The following APLF variants were observed in gnomAD, a reference collection of about 807,000 sequenced individuals.
APLF encodes the protein aprataxin and PNKP like factor, also known as aprataxin and PNK-like factor.
A neutral mutation model predicts 55.6 loss-of-function variants in APLF; 61 were observed. The ratio of observed to expected loss-of-function variants is 1.10; its 90% CI spans 0.89 to 1.36. The LOEUF is 1.36. Ranked by LOEUF, APLF falls within the 40% of genes most tolerant of loss-of-function variation. The pLI, the probability that APLF is intolerant of heterozygous loss-of-function variation, is 0.00. For missense variants in APLF, 611 were observed against 602.5 expected, an observed-to-expected ratio of 1.01 and a Z score of -0.15; for synonymous variants, 207 against 214.8, an observed-to-expected ratio of 0.96 and a Z score of 0.32.
chr2:68,476,510 C>T (rs1675781022), intron 1 of APLF, among the ~76,000 whole-genome samples: 1 of 150,042 alleles, frequency 6.7e-6, no homozygotes, highest in Non-Finnish European at 1.5e-5. Flanking sequence ...GGAATTTCAC[C>T]AAAATCAAGT....
intron 5 of APLF, among the ~76,000 whole-genome samples, chr2:68,521,676 T>C (rs924393363): frequency 6.6e-6 from 1 of 151,932 alleles, no homozygotes; most frequent in Non-Finnish European, 1.5e-5. Flanking sequence ...AAGGAGCTTT[T>C]ATATTTCCAC....
rs1036577149 is a variant in APLF at position 68,578,617 on chromosome 2, A to G, written c.*595A>G. 1 of 985,268 alleles carries G rather than the reference A, an allele frequency of 1.0e-6. No individual in the cohort carries two copies. The highest frequency in any genetic ancestry group is 6.2e-5 in the Admixed American group (1 of 16,250). The allele number at this position is 985,268 out of a possible 1,614,324, so 61.0% of individuals were successfully genotyped here. A position where few individuals can be genotyped will look rare whatever the true frequency, so the allele number is the denominator to read the frequency against. On this transcript the variant is annotated 3_prime_UTR_variant, in exon 10 of 10. Coordinates refer to ENST00000303795, the MANE Select transcript of APLF (RefSeq NM_173545.3). The stretch of plus-strand genomic sequence containing the variant: ...GATTCAACTAGGCTGTAGAAGAGAA[A>G]TGTTCACCATGTAGGGAATGTTATT...
intron 5 of APLF, among the ~76,000 whole-genome samples, chr2:68,516,246 T>G (rs935500909): frequency 1.3e-5 from 2 of 151,694 alleles, no homozygotes; most frequent in African/African-American, 4.8e-5. Flanking sequence ...CATATCACTG[T>G]ATAGCTGCCT....
At chr2:68,548,941 T>C (rs1394012586) in intron 8 of APLF, among the ~76,000 whole-genome samples, 1 of 152,018 alleles carries the variant, frequency 6.6e-6, no homozygotes, top group Non-Finnish European at 1.5e-5. Flanking sequence ...CCATATCTTT[T>C]CATCCCATTT....
intron 5 of APLF, among the ~76,000 whole-genome samples, chr2:68,524,553 A>G (rs1669979087): frequency 6.6e-6 from 1 of 152,228 alleles, no homozygotes; most frequent in African/African-American, 2.4e-5. Flanking sequence ...AGTGACAGAC[A>G]CTGTATGGCC....
At chr2:68,475,740 A>T (rs1675751361) in intron 1 of APLF, among the ~76,000 whole-genome samples, 1 of 152,158 alleles carries the variant, frequency 6.6e-6, no homozygotes. Context: ...CCTCTTATCA[A>T]ATATTATGGC....
chr2:68,532,965 C>T (rs1035376630), intron 6 of APLF, among the ~76,000 whole-genome samples: 1 of 152,166 alleles, frequency 6.6e-6, no homozygotes, highest in Non-Finnish European at 1.5e-5. Flanking sequence ...GTGACATGCA[C>T]CTGTAGTCCC....
intron 5 of APLF, among the ~76,000 whole-genome samples, chr2:68,521,322 T>A (rs1395485449): frequency 6.6e-6 from 1 of 151,904 alleles, no homozygotes; most frequent in Non-Finnish European, 1.5e-5. Context: ...ACTCATTGAC[T>A]CTTTACTGAT....
intron 5 of APLF, among the ~76,000 whole-genome samples, chr2:68,522,642 G>T (rs751290723): frequency 1.3e-5 from 2 of 151,730 alleles, no homozygotes; most frequent in African/African-American, 4.8e-5. Flanking sequence ...TGATAATTCT[G>T]GCAGAGGAAT....
intron 5 of APLF, among the ~76,000 whole-genome samples, chr2:68,518,421 A>G (rs1242200188): frequency 1.8e-5 from 2 of 112,242 alleles, no homozygotes; most frequent in Non-Finnish European, 3.3e-5. Context: ...ATATTATATA[A>G]TAATTTATTA....
intron 5 of APLF, among the ~76,000 whole-genome samples, chr2:68,518,375 A>G (rs1488718076): frequency 1.8e-5 from 2 of 108,234 alleles, no homozygotes; most frequent in South Asian, 2.6e-4. Flanking sequence ...TTAATATATG[A>G]CTGTATTATA....
rs1558543668 is a variant in APLF at position 68,529,051 on chromosome 2, A to G, written c.804+2809A>G. The G allele has an allele frequency of 6.8e-7, 1 of 1,471,312 alleles. No individual in the cohort carries two copies. Among genetic ancestry groups the G allele is most frequent in the South Asian group, 1.2e-5 (1 of 82,622 alleles). The allele number at this position is 1,471,312 out of a possible 1,614,324, so 91.1% of individuals were successfully genotyped here. A position where few individuals can be genotyped will look rare whatever the true frequency, so the allele number is the denominator to read the frequency against. On this transcript the variant is annotated intron_variant, in intron 6 of 9. Transcript: ENST00000303795. This position sits in a 1 kb window ranked among gnomAD's most constrained non-coding sequence, Gnocchi z 4.4. ...GGAGCCTGGCTGGGATCACCTGCTC[A>G]TCTAATGAAGGAAGTTGAAGGTTAA...
chr2:68,535,148 C>T, intron 6 of APLF: 1 of 271,724 alleles, frequency 3.7e-6, no homozygotes. Flanking sequence ...AAACCTATTC[C>T]TTGTGAGGAT....
At chr2:68,511,279 G>A (rs13415794) in intron 3 of APLF, among the ~76,000 whole-genome samples, 18,227 of 151,624 alleles carry the variant, frequency 0.12, 1,204 homozygotes, top group African/African-American at 0.15. Context: ...ATATTCTGTA[G>A]TGATGCTTTA....
intron 1 of APLF, among the ~76,000 whole-genome samples, chr2:68,485,299 G>A (rs1676129509): frequency 1.3e-5 from 2 of 151,932 alleles, no homozygotes; most frequent in African/African-American, 4.8e-5. Flanking sequence ...GTGAGTCCAG[G>A]CCAGTTATTC....
In APLF at chr2:68,555,444, G is replaced by T. The variant is rs371721739; in HGVS notation, c.1286+10132G>T. ...AGGACTAATATCCAGAATCTACAAT[G>T]AATTCAAACAAATTAGCAAGAAAAA... On this transcript the variant is annotated intron_variant, in intron 8 of 9. Transcript: ENST00000303795. 2.6e-4 allele frequency among the ~76,000 whole-genome samples: 40 copies of T among 152,144 alleles called. 1 individual carries two copies. The highest frequency in any genetic ancestry group is 9.4e-4 in the African/African-American group (39 of 41,528).
intron 1 of APLF, among the ~76,000 whole-genome samples, chr2:68,485,675 A>AT (rs1204596433): frequency 2.0e-5 from 3 of 151,046 alleles, no homozygotes; most frequent in Non-Finnish European, 2.9e-5. Flanking sequence ...TGGTTCTACC[A>AT]TTTTTTCTGC....
rs1284040982 is a variant in APLF, at chr2:68,511,481, T to G, written c.342-1599T>G. 5.9e-5 allele frequency among the ~76,000 whole-genome samples: 9 copies of G among 151,826 alleles called. No individual in the cohort carries two copies. In the East Asian group the frequency reaches 1.2e-3, roughly 20 times the overall value. On this transcript the variant is annotated intron_variant, in intron 3 of 9. Coordinates refer to ENST00000303795, the MANE Select transcript of APLF (RefSeq NM_173545.3). Reference sequence around the variant, plus strand: ...TACGTTTATTGTGGGTAACTATTAATAAAAATTACATATGGACTATAGAGT... The same window carrying G: ...TACGTTTATTGTGGGTAACTATTAAGAAAAATTACATATGGACTATAGAGT...
intron 6 of APLF, chr2:68,528,382 C>T (rs1670143228): frequency 1.6e-5 from 24 of 1,534,066 alleles, no homozygotes; most frequent in Non-Finnish European, 2.0e-5. Context: ...CCAACAGTGC[C>T]TCAGGAGATA....
Sources: allele counts gnomAD v4.1 joint callset (sites outside exome capture counted in the v4.1 genomes callset), GRCh38; gene constraint gnomAD v4.1.1; non-coding constraint Gnocchi (gnomAD v3.1); transcripts MANE v1.5; gene names NCBI Gene and HGNC (gene_info 2026-07-23, HGNC 2026-07-21).